Variants in IL10RB observed in about 807,000 individuals in gnomAD.
IL10RB encodes interleukin 10 receptor subunit beta, also known as interleukin-10 receptor subunit beta.
IL10RB carries 30 observed loss-of-function variants against 38.7 expected under a neutral mutation model. That is an observed-to-expected ratio of 0.78 (90% CI 0.58 to 1.05). The LOEUF (loss-of-function observed/expected upper bound fraction) is 1.05. IL10RB is among the 50% of genes least tolerant of loss of function. IL10RB has a pLI of 0.00. For missense variants in IL10RB, 328 were observed against 397.1 expected (o/e 0.83, Z 1.48); for synonymous variants, 142 against 145.9 (o/e 0.97, Z 0.19).
At chr21:33,279,722 G>T in intron 3 of IL10RB, 30 bp from the exon 4 acceptor site, 1 of 1,602,944 alleles carries the variant, frequency 6.2e-7, no homozygotes, top group South Asian at 1.1e-5. Flanking sequence ...TGTGATTTTT[G>T]ATTGTCATTT....
rs1271819947 is a variant in IL10RB at position 33,296,606 on chromosome 21, AG to A, written c.*250del. ...ATGTTTTCAGAAGTTGGCCACTGAG[AG>A]TGTAATTTTCAGCCTTTTATATCAC... is the stretch of plus-strand genomic sequence containing the variant. On this transcript the variant is annotated 3_prime_UTR_variant, in exon 7 of 7. Coordinates refer to ENST00000290200, the MANE Select transcript of IL10RB (RefSeq NM_000628.5). The A allele has an allele frequency of 6.2e-6, 4 of 640,086 alleles. No individual in the cohort carries two copies. Among genetic ancestry groups the A allele is most frequent in the African/African-American group, 3.6e-5 (2 of 55,786 alleles). The allele number at this position is 640,086 out of a possible 1,614,324, so 39.7% of individuals were successfully genotyped here.
chr21:33,268,199 C>G, intron 1 of IL10RB, 195 bp from the exon 2 acceptor site: 1 of 1,478,126 alleles, frequency 6.8e-7, no homozygotes, highest in Non-Finnish European at 9.0e-7. Context: ...TCCTGCCCCT[C>G]CAGAAATTTC....
downstream of IL10RB, among the ~76,000 whole-genome samples, chr21:33,300,226 G>T (rs1416666097): frequency 6.6e-6 from 1 of 152,164 alleles, no homozygotes. Context: ...GATCACCTGA[G>T]GTCAGGAGTT....
intron 3 of IL10RB, among the ~76,000 whole-genome samples, chr21:33,277,110 G>A (rs539603404): frequency 2.0e-5 from 3 of 152,250 alleles, no homozygotes; most frequent in Admixed American, 6.5e-5. Context: ...GAAACATAAC[G>A]TGATAGGCAA....
chr21:33,280,946 T>C (rs1989269429), intron 4 of IL10RB, among the ~76,000 whole-genome samples: 1 of 152,202 alleles, frequency 6.6e-6, no homozygotes, highest in Non-Finnish European at 1.5e-5. Flanking sequence ...CACAACAAAA[T>C]ACCACAGACT....
intron 2 of IL10RB, among the ~76,000 whole-genome samples, chr21:33,272,957 T>G (rs1296662416): frequency 6.6e-6 from 1 of 152,266 alleles, no homozygotes; most frequent in African/African-American, 2.4e-5. Context: ...TGACTGAGAC[T>G]GATGAATTGT....
chr21:33,277,740 C>A (rs1989202581), intron 3 of IL10RB, among the ~76,000 whole-genome samples: 1 of 140,758 alleles, frequency 7.1e-6, no homozygotes, highest in South Asian at 2.3e-4. Context: ...GGCGCGATCT[C>A]AGATCACTGC....
chr21:33,301,035 C>G (rs1159135137), downstream of IL10RB, among the ~76,000 whole-genome samples: 1 of 152,120 alleles, frequency 6.6e-6, no homozygotes, highest in Non-Finnish European at 1.5e-5. Flanking sequence ...AGAAGATGGG[C>G]AGAGGGTCAT....
chr21:33,279,680 G>T, intron 3 of IL10RB, 72 bp from the exon 4 acceptor site: 1 of 1,306,490 alleles, frequency 7.7e-7, no homozygotes, highest in Non-Finnish European at 1.1e-6. Flanking sequence ...GTTCTGCATG[G>T]TTATGAAAAA....
At chr21:33,275,338 A>G (rs1415862255) in intron 2 of IL10RB, among the ~76,000 whole-genome samples, 2 of 151,906 alleles carry the variant, frequency 1.3e-5, no homozygotes, top group African/African-American at 2.4e-5. Flanking sequence ...TTGTATTTTT[A>G]GTAGAGGTGG....
At chr21:33,295,193 G>T (rs1174383810) in intron 6 of IL10RB, among the ~76,000 whole-genome samples, 1 of 151,882 alleles carries the variant, frequency 6.6e-6, no homozygotes, top group South Asian at 2.1e-4. Context: ...GTGAAACCCT[G>T]TCTCTACTAA....
chr21:33,300,923 A>T (rs2082984443), downstream of IL10RB, among the ~76,000 whole-genome samples: 3 of 152,200 alleles, frequency 2.0e-5, no homozygotes, highest in South Asian at 6.2e-4. Context: ...CCAGCTTGCG[A>T]TCATTTGTTA....
chr21:33,269,024 A>G (rs1311770265), intron 2 of IL10RB, among the ~76,000 whole-genome samples: 1 of 152,140 alleles, frequency 6.6e-6, no homozygotes, highest in Non-Finnish European at 1.5e-5. Flanking sequence ...ATCATGCCCC[A>G]GTGCCATGCG....
In IL10RB at chr21:33,283,318, A is replaced by G. The variant is rs2834172; in HGVS notation, c.646+77A>G. On this transcript the variant is annotated intron_variant, in intron 5 of 6. Transcript: ENST00000290200. ...CCTGCCCTAGACATGATTGCATCCA[A>G]CTCAAATTCCAGCTCAGTTCAGAAA... is the stretch of plus-strand genomic sequence containing the variant. 28,053 of 1,417,078 alleles carry G rather than the reference A, an allele frequency of 0.02. 4,364 individuals are homozygous for G. In the African/African-American group the frequency reaches 0.34, roughly 17 times the overall value. The allele number at this position is 1,417,078 out of a possible 1,614,324, so 87.8% of individuals were successfully genotyped here. A position where few individuals can be genotyped will look rare whatever the true frequency, so the allele number is the denominator to read the frequency against.
At position 33,286,458 on chromosome 21, in the gene IL10RB, G is replaced by A. The variant is rs906731770; in HGVS notation, c.647-1646G>A. ...CCTGGAGCCGAACAAGGGGAGCTGGGACCACGAGCAACCCAGGTGACATCC... is the reference window on the plus strand; with the variant it reads ...CCTGGAGCCGAACAAGGGGAGCTGGAACCACGAGCAACCCAGGTGACATCC... On this transcript the variant is annotated intron_variant, in intron 5 of 6. Transcript: ENST00000290200. Among the ~76,000 whole-genome samples the A allele has an allele frequency of 2.6e-5, 4 of 152,292 alleles. No individual in the cohort carries two copies. The South Asian group carries it at 8.3e-4, about 32-fold the overall frequency.
At chr21:33,282,113 A>G (rs1989290656) in intron 4 of IL10RB, among the ~76,000 whole-genome samples, 1 of 126,740 alleles carries the variant, frequency 7.9e-6, no homozygotes. Context: ...TTTACTTATT[A>G]GAAGTTAAAC....
intron 1 of IL10RB, chr21:33,308,604 C>A (rs1470453736): frequency 1.3e-5 from 2 of 152,120 alleles, no homozygotes; most frequent in African/African-American, 4.8e-5. Context: ...ACATGGAAAA[C>A]TGTATACAGT....
At position 33,296,579 on chromosome 21, in the gene IL10RB, T is replaced by G; in HGVS notation, c.*222T>G. On this transcript the variant is annotated 3_prime_UTR_variant, in exon 7 of 7. Transcript: ENST00000290200. ...ACTCACTGCCTTATAAAGGCTTTCA[T>G]GATGTTTTCAGAAGTTGGCCACTGA... is the stretch of plus-strand genomic sequence containing the variant. 1.5e-6 allele frequency: 1 copy of G among 674,970 alleles called. No homozygotes were observed. Among genetic ancestry groups the G allele is most frequent in the Non-Finnish European group, 2.7e-6 (1 of 368,312 alleles). 41.8% of individuals were successfully genotyped at this position (674,970 alleles called of 1,614,324 possible).
At chr21:33,290,160 G>A (rs1374734703) in intron 6 of IL10RB, among the ~76,000 whole-genome samples, 1 of 151,808 alleles carries the variant, frequency 6.6e-6, no homozygotes, top group African/African-American at 2.4e-5. Flanking sequence ...GCATGCTGGC[G>A]CATGCCTGTA....
Sources: gnomAD v4.1 joint callset for allele counts (sites outside exome capture counted in the v4.1 genomes callset) on GRCh38, gnomAD v4.1.1 for gene constraint, MANE v1.5 for transcripts, NCBI Gene and HGNC (gene_info 2026-07-23, HGNC 2026-07-21) for gene names.